Variants in ZNF248 observed in about 807,000 individuals in gnomAD.
ZNF248 encodes the protein KRAB protein domain.
Under a neutral mutation model 44.3 loss-of-function variants are expected in ZNF248, and 20 were observed. The observed-to-expected ratio is 0.45, with a 90% CI of 0.32 to 0.66. The LOEUF is 0.66. ZNF248 is among the 30% of genes least tolerant of loss of function. The pLI, the probability that ZNF248 is intolerant of heterozygous loss-of-function variation, is 0.04. For synonymous variants in ZNF248, 224 were observed against 229.0 expected (o/e 0.98, Z 0.20); for missense variants, 654 against 677.0 (o/e 0.97, Z 0.38).
At position 37,780,079 on chromosome 10, in the gene ZNF248, G is replaced by T. The variant is rs564618522; in HGVS notation, c.331-3504C>A. Among the ~76,000 whole-genome samples, 38 of 150,022 alleles carry T rather than the reference G, an allele frequency of 2.5e-4. 1 individual carries two copies. The highest frequency in any genetic ancestry group is 5.1e-4 in the Non-Finnish European group (34 of 67,048). ...TAGGAAGAATCAATATTGTGAAAATGGCCATACTGCCCAAGGTAATTTACA... is the reference window on the plus strand; with the variant it reads ...TAGGAAGAATCAATATTGTGAAAATTGCCATACTGCCCAAGGTAATTTACA... On this transcript the variant is annotated intron_variant, in intron 6 of 6. Transcript: ENST00000615949.
At chr10:37,856,216 C>A in intron 3 of ZNF248, 80 bp downstream of exon 3, 1 of 1,494,382 alleles carries the variant, frequency 6.7e-7, no homozygotes. Flanking sequence ...TTCTATTTTT[C>A]CATTTTCAAA....
At chr10:37,849,177 T>C (rs2059806100) in intron 3 of ZNF248, among the ~76,000 whole-genome samples, 1 of 152,082 alleles carries the variant, frequency 6.6e-6, no homozygotes, top group Non-Finnish European at 1.5e-5. Context: ...CTCACACCTA[T>C]AATCCCAGCA....
chr10:37,765,804 C>T, the ZNF248 span, among the ~76,000 whole-genome samples: 11 of 152,280 alleles, frequency 7.2e-5, no homozygotes, highest in Non-Finnish European at 1.0e-4. Flanking sequence ...TGAAGCAGGG[C>T]GAGGCATTGC....
intron 6 of ZNF248, chr10:37,794,314 GT>G (rs1333547266): frequency 6.5e-6 from 1 of 153,060 alleles, no homozygotes; most frequent in Admixed American, 6.5e-5. Flanking sequence ...GCACAATGAT[GT>G]GTCACATTTA....
At chr10:37,828,100 T>C (rs569538696), downstream of ZNF248, among the ~76,000 whole-genome samples, 4 of 152,312 alleles carry the variant, frequency 2.6e-5, no homozygotes, top group South Asian at 2.1e-4. Context: ...TTTCTTTTAA[T>C]AGAATGCAGT....
intron 6 of ZNF248, chr10:37,820,840 T>C: frequency 5.0e-6 from 6 of 1,192,434 alleles, no homozygotes; most frequent in Non-Finnish European, 7.5e-6. Context: ...ATATTTCCCA[T>C]TCTGTTTTGC....
intron 6 of ZNF248, among the ~76,000 whole-genome samples, chr10:37,805,310 T>C (rs1463195079): frequency 6.6e-6 from 1 of 152,186 alleles, no homozygotes; most frequent in Non-Finnish European, 1.5e-5. Flanking sequence ...GTACAATAAA[T>C]GATGCTGGTA....
rs374283911 is a variant in ZNF248 at position 37,831,977 on chromosome 10, C to G, written c.1378G>C (p.Gly460Arg). The G allele has an allele frequency of 1.9e-6, 3 of 1,613,980 alleles. No individual in the cohort carries two copies. The highest frequency in any genetic ancestry group is 1.3e-5 in the African/African-American group (1 of 74,932). Residue 460 changes from glycine to arginine, a missense_variant, in exon 6 of 6, where the codon GGG becomes CGG. Physicochemically the swap from Gly to Arg is moderately radical, Grantham distance 125. Coordinates refer to ENST00000395867, the MANE Select transcript of ZNF248 (RefSeq NM_021045.3). ...GCATTACATTCATAGGGCTTCTCCC[C>G]TGTGTGTGTTCTCTGATGTTCAGTG... ...NLTEHQRTHT[G>R]EKPYECNACG...
downstream of ZNF248, among the ~76,000 whole-genome samples, chr10:37,826,447 A>C (rs1404723515): frequency 6.6e-6 from 1 of 152,202 alleles, no homozygotes; most frequent in Admixed American, 6.5e-5. Flanking sequence ...TTTCATGGTT[A>C]AAGTTTTTCA....
intron 6 of ZNF248, among the ~76,000 whole-genome samples, chr10:37,777,968 C>T (rs957970640): frequency 9.9e-5 from 15 of 151,808 alleles, no homozygotes; most frequent in Non-Finnish European, 1.9e-4. Context: ...CAAGTCTTTG[C>T]TATTGTGAAT....
chr10:37,841,956 A>G (rs2058425784), intron 3 of ZNF248, among the ~76,000 whole-genome samples: 1 of 152,354 alleles, frequency 6.6e-6, no homozygotes, highest in South Asian at 2.1e-4. Context: ...GAAGAGCCTA[A>G]GGAGACATGA....
chr10:37,798,547 T>A (rs1251446425), intron 6 of ZNF248, among the ~76,000 whole-genome samples: 1 of 152,174 alleles, frequency 6.6e-6, no homozygotes, highest in Non-Finnish European at 1.5e-5. Flanking sequence ...TATATAGTGT[T>A]CTATCCTTTG....
At chr10:37,819,675 G>A in intron 6 of ZNF248, 3 of 794,464 alleles carry the variant, frequency 3.8e-6, no homozygotes, top group Non-Finnish European at 4.6e-6. Context: ...TCCTTTTTAA[G>A]ATGACCTAAC....
At chr10:37,856,653 A>G in intron 1 of ZNF248, 121 bp from the exon 2 acceptor site, 1 of 1,032,314 alleles carries the variant, frequency 9.7e-7, no homozygotes, top group South Asian at 4.5e-5. Flanking sequence ...AACTGAGGCC[A>G]TATTGTTTAT....
At chr10:37,822,746 T>A (rs2053681164) in intron 6 of ZNF248, among the ~76,000 whole-genome samples, 1 of 152,122 alleles carries the variant, frequency 6.6e-6, no homozygotes, top group East Asian at 1.9e-4. Flanking sequence ...CGATAGGTGA[T>A]GAGCTAAAAA....
rs377098495 is a variant in ZNF248, at chr10:37,831,793, T to C, written c.1562A>G (p.Lys521Arg). The change falls in exon 6 of 6, where the codon AAG becomes AGG. Residue 521 changes from lysine (K) to arginine (R), a missense_variant. Physicochemically the swap from Lys to Arg is conservative, Grantham distance 26. Transcript: ENST00000395867. ...GAAGGTTTTCCCACATTCATTACAC[T>C]TATATGGTTTCTCCCCAGTGTGAGT... Reference protein sequence around the residue: ...QRTHTGEKPYKCNECGKTFCE... With the variant: ...QRTHTGEKPYRCNECGKTFCE... 1.9e-6 allele frequency: 3 copies of C among 1,613,220 alleles called. No homozygotes were observed. Among genetic ancestry groups the C allele is most frequent in the Non-Finnish European group, 2.5e-6 (3 of 1,179,284 alleles).
At chr10:37,824,937 C>T (rs1387196288), downstream of ZNF248, among the ~76,000 whole-genome samples, 1 of 150,032 alleles carries the variant, frequency 6.7e-6, no homozygotes, top group African/African-American at 2.5e-5. Context: ...ATCTGCCTGC[C>T]TTGGCCTCCC....
At chr10:37,821,458 C>A (rs1250938787) in intron 6 of ZNF248, among the ~76,000 whole-genome samples, 1 of 152,190 alleles carries the variant, frequency 6.6e-6, no homozygotes, top group Non-Finnish European at 1.5e-5. Context: ...ATGGACTGCT[C>A]ACACCCCTCA....
downstream of ZNF248, among the ~76,000 whole-genome samples, chr10:37,825,940 G>A (rs1316387813): frequency 1.3e-5 from 2 of 151,620 alleles, no homozygotes. Flanking sequence ...ACTTGGACAA[G>A]TGTAGAAAGG....
Sources: allele counts gnomAD v4.1 joint callset (sites outside exome capture counted in the v4.1 genomes callset), GRCh38; gene constraint gnomAD v4.1.1; transcripts MANE v1.5; gene names NCBI Gene and HGNC (gene_info 2026-07-23, HGNC 2026-07-21).